The following WDPCP variants were observed in gnomAD, a reference collection of about 807,000 sequenced individuals.
WDPCP encodes the protein WD repeat-containing and planar cell polarity effector protein fritz homolog.
Under a neutral mutation model 93.1 loss-of-function variants are expected in WDPCP, and 71 were observed. That is an observed-to-expected ratio of 0.76 (90% CI 0.63 to 0.93). The LOEUF (loss-of-function observed/expected upper bound fraction) is 0.93. Among genes scored for constraint, WDPCP ranks in the 40% least tolerant of loss-of-function variants. WDPCP has a pLI of 0.00. For synonymous variants in WDPCP, 315 were observed against 315.0 expected (o/e 1.00, Z 0.00); for missense variants, 844 against 887.4 (o/e 0.95, Z 0.62).
chr2:63,558,668 ACTAGAAAAT>A (rs58047782), intron 1 of WDPCP, among the ~76,000 whole-genome samples: 39,905 of 151,798 alleles, frequency 0.26, 6,061 homozygotes, highest in East Asian at 0.71. Context: ...ACGCAAATAA[ACTAGAAAAT>A]CTAGAAGAAA....
intron 14 of WDPCP, among the ~76,000 whole-genome samples, chr2:63,240,325 G>A (rs1280497744): frequency 6.6e-5 from 10 of 151,952 alleles, no homozygotes; most frequent in Non-Finnish European, 1.0e-4. Context: ...CTGCAGGTGC[G>A]TGCCACCACC....
chr2:63,608,344 C>T (rs910315862), intron 3 of WDPCP, among the ~76,000 whole-genome samples: 1 of 152,036 alleles, frequency 6.6e-6, no homozygotes, highest in African/African-American at 2.4e-5. Context: ...AAGTAATAAA[C>T]TAAGCTTATT....
intron 14 of WDPCP, among the ~76,000 whole-genome samples, chr2:63,250,469 G>A (rs2421919): frequency 0.88 from 134,048 of 152,250 alleles, 59,178 homozygotes; most frequent in South Asian, 0.92. Flanking sequence ...TACTATAATA[G>A]CAGTATAAAT....
intron 6 of WDPCP, among the ~76,000 whole-genome samples, chr2:63,443,483 T>C (rs1697639575): frequency 6.6e-6 from 1 of 152,150 alleles, no homozygotes; most frequent in African/African-American, 2.4e-5. Flanking sequence ...GGTGGCAATG[T>C]GCCTAGGCTG....
chr2:63,630,474 C>T (rs978005108), intron 3 of WDPCP, among the ~76,000 whole-genome samples: 2 of 151,590 alleles, frequency 1.3e-5, no homozygotes, highest in Admixed American at 1.3e-4. Flanking sequence ...AAAAAGAAAG[C>T]AAGTGTGTCT....
chr2:63,268,395 C>A (rs1323123666), intron 13 of WDPCP, among the ~76,000 whole-genome samples: 1 of 152,106 alleles, frequency 6.6e-6, no homozygotes, highest in Non-Finnish European at 1.5e-5. Flanking sequence ...GTTTAGTGAT[C>A]ATTTACACTA....
intron 17 of WDPCP, among the ~76,000 whole-genome samples, chr2:63,133,652 G>T (rs192836210): frequency 6.6e-6 from 1 of 152,186 alleles, no homozygotes; most frequent in Admixed American, 6.5e-5. Context: ...TGTCCTGTCT[G>T]CTTCTCCTTT....
intron 2 of WDPCP, among the ~76,000 whole-genome samples, chr2:63,781,302 C>A (rs755427116): frequency 6.6e-6 from 1 of 152,144 alleles, no homozygotes; most frequent in Non-Finnish European, 1.5e-5. Context: ...TTTGCCATCA[C>A]ACTTGCCTGT....
intron 12 of WDPCP, among the ~76,000 whole-genome samples, chr2:63,363,895 G>T (rs956346108): frequency 1.3e-5 from 2 of 151,404 alleles, no homozygotes; most frequent in Admixed American, 1.3e-4. Context: ...CCCAATTTTT[G>T]CCAGGCACAG....
the WDPCP span, among the ~76,000 whole-genome samples, chr2:63,838,810 G>C: frequency 1.3e-5 from 2 of 152,188 alleles, no homozygotes; most frequent in Non-Finnish European, 2.9e-5. Context: ...TGGCCATTAA[G>C]AACTCCACCT....
At chr2:63,498,577 C>T (rs1575531338) in intron 1 of WDPCP, among the ~76,000 whole-genome samples, 1 of 152,254 alleles carries the variant, frequency 6.6e-6, no homozygotes. Flanking sequence ...AATAGTTTCA[C>T]TACTATACTG....
intron 2 of WDPCP, among the ~76,000 whole-genome samples, chr2:63,760,451 T>G (rs1670040409): frequency 6.6e-6 from 1 of 152,072 alleles, no homozygotes. Flanking sequence ...TTTCCCTTCC[T>G]GCCCCTAACA....
chr2:63,260,145 G>C (rs968563806), intron 13 of WDPCP, among the ~76,000 whole-genome samples: 1 of 152,192 alleles, frequency 6.6e-6, no homozygotes, highest in African/African-American at 2.4e-5. Flanking sequence ...ATCTGGTGCA[G>C]ATATGCAGAG....
intron 3 of WDPCP, among the ~76,000 whole-genome samples, chr2:63,601,657 G>A (rs1410858873): frequency 6.6e-6 from 1 of 152,158 alleles, no homozygotes; most frequent in East Asian, 1.9e-4. Flanking sequence ...AGACAGAACT[G>A]GATTAGCTCA....
At chr2:63,527,784 G>A (rs1045060110) in intron 1 of WDPCP, among the ~76,000 whole-genome samples, 1 of 152,046 alleles carries the variant, frequency 6.6e-6, no homozygotes, top group Non-Finnish European at 1.5e-5. Flanking sequence ...AGATCCTTGA[G>A]GAATCGCCAC....
chr2:63,148,337 A>C (rs1671663736), intron 17 of WDPCP, among the ~76,000 whole-genome samples: 1 of 151,984 alleles, frequency 6.6e-6, no homozygotes, highest in Non-Finnish European at 1.5e-5. Flanking sequence ...AAGAAAAAAA[A>C]AGTTTTTCAT....
chr2:63,311,406 A>G (rs1402286744), intron 13 of WDPCP, among the ~76,000 whole-genome samples: 1 of 152,182 alleles, frequency 6.6e-6, no homozygotes, highest in African/African-American at 2.4e-5. Context: ...GGAACCTTAA[A>G]TGTATATAGT....
intron 13 of WDPCP, among the ~76,000 whole-genome samples, chr2:63,269,108 T>C (rs1682411967): frequency 6.6e-6 from 1 of 152,184 alleles, no homozygotes; most frequent in African/African-American, 2.4e-5. Flanking sequence ...ATGGACAATA[T>C]ACATAACAGA....
rs1300789834 is a variant in WDPCP at position 63,446,696 on chromosome 2, C to G, written c.385-6825G>C. ...TCCACAGGAAACCCACCCTGTGTGT[C>G]TCTAACCATGTTCAGGGCTATCACT... is the stretch of plus-strand genomic sequence containing the variant. On this transcript the variant is annotated intron_variant, in intron 6 of 17. Transcript: ENST00000272321. Among the ~76,000 whole-genome samples, 10 of 152,208 alleles carry G rather than the reference C, an allele frequency of 6.6e-5. No individual in the cohort carries two copies. In the East Asian group the frequency reaches 1.2e-3, roughly 18 times the overall value.
Sources: allele counts gnomAD v4.1 joint callset (sites outside exome capture counted in the v4.1 genomes callset), GRCh38; gene constraint gnomAD v4.1.1; transcripts MANE v1.5; gene names NCBI Gene and HGNC (gene_info 2026-07-23, HGNC 2026-07-21).